ALDH2: variants seen among roughly 807,000 people sequenced by gnomAD.
ALDH2 encodes aldehyde dehydrogenase 2 family member.
In ALDH2, 44 loss-of-function variants were observed where a neutral mutation model predicts 59.6. That is an observed-to-expected ratio of 0.74 (90% CI 0.58 to 0.95). The LOEUF (loss-of-function observed/expected upper bound fraction) is 0.95, where lower values mean the gene tolerates loss of function less well. Ranked by LOEUF, ALDH2 falls within the 40% of genes least tolerant of loss-of-function variation. The pLI, the probability that ALDH2 is intolerant of heterozygous loss-of-function variation, is 0.00. For synonymous variants in ALDH2, 291 were observed against 284.0 expected (o/e 1.02, Z -0.25); for missense variants, 570 against 696.3 (o/e 0.82, Z 2.04).
At position 111,816,138 on chromosome 12, in the gene ALDH2, C is replaced by T. The variant is rs528468966; in HGVS notation, c.*6563C>T. 1 of 152,232 alleles carries T rather than the reference C, an allele frequency of 6.6e-6. No individual in the cohort carries two copies. The highest frequency in any genetic ancestry group is 3.4e-3 in the Middle Eastern group (1 of 294). 9.4% of individuals were successfully genotyped at this position (152,232 alleles called of 1,614,324 possible). A position where few individuals can be genotyped will look rare whatever the true frequency, so the allele number is the denominator to read the frequency against. ...CCTCCCCCATGGTAATGAGTTCACT[C>T]AAGAGCTGGTTGTTTAAAAGGTGAC... On this transcript the variant is annotated 3_prime_UTR_variant, in exon 13 of 13. Coordinates refer to ENST00000261733, the MANE Select transcript of ALDH2 (RefSeq NM_000690.4).
At chr12:111,790,294 C>G in intron 5 of ALDH2, 140 bp from the exon 6 acceptor site, 2 of 1,077,026 alleles carry the variant, frequency 1.9e-6, no homozygotes, top group Middle Eastern at 5.8e-4. Flanking sequence ...CTTAAAACCA[C>G]GATGGATGGA....
At chr12:111,767,996 G>T (rs2068172064) in intron 1 of ALDH2, among the ~76,000 whole-genome samples, 1 of 152,188 alleles carries the variant, frequency 6.6e-6, no homozygotes, top group Non-Finnish European at 1.5e-5. Flanking sequence ...TGTCCTGTCT[G>T]CACAGCCTTT....
At chr12:111,802,698 GT>G (rs2068462836) in intron 11 of ALDH2, among the ~76,000 whole-genome samples, 1 of 150,790 alleles carries the variant, frequency 6.6e-6, no homozygotes, top group Non-Finnish European at 1.5e-5. Flanking sequence ...GGCTAACACA[GT>G]GAAACCCCGT....
intron 2 of ALDH2, among the ~76,000 whole-genome samples, chr12:111,782,379 G>C (rs2068278666): frequency 1.3e-5 from 2 of 152,222 alleles, no homozygotes; most frequent in South Asian, 4.1e-4. Context: ...AATCGAAACT[G>C]ATAATATTCT....
intron 3 of ALDH2, 46 bp downstream of exon 3, chr12:111,783,344 G>C (rs1057463609): frequency 1.1e-5 from 17 of 1,561,316 alleles, no homozygotes; most frequent in Middle Eastern, 2.2e-4. Context: ...GTGGTGAATA[G>C]GCTCGCAGCA....
chr12:111,789,282 G>T (rs1458661488), intron 4 of ALDH2, among the ~76,000 whole-genome samples: 1 of 151,634 alleles, frequency 6.6e-6, no homozygotes, highest in Non-Finnish European at 1.5e-5. Flanking sequence ...CTCCCAAAGT[G>T]CTGGGATTAC....
In ALDH2 at chr12:111,790,549, A is replaced by G; in HGVS notation, c.668A>G (p.Asn223Ser). ...CCCCTCACCGCCCTCTATGTGGCCA[A>G]CCTGATCAAGGAGGTGCGTGGCTTA... The part of the protein sequence containing the change: ...QTPLTALYVA[N>S]LIKEAGFPPG... The change falls in exon 6 of 13, where the codon AAC becomes AGC. Residue 223 changes from asparagine (N) to serine (S), a missense_variant. Transcript: ENST00000261733. The G allele has an allele frequency of 6.2e-7, 1 of 1,614,080 alleles. No homozygotes were observed. Among genetic ancestry groups the G allele is most frequent in the South Asian group, 1.1e-5 (1 of 91,074 alleles).
chr12:111,799,970 A>G lies in ALDH2; in HGVS notation c.1313A>G (p.Asn438Ser), dbSNP rs2068437005. Residue 438 changes from asparagine (N) to serine (S), a missense_variant, in exon 11 of 13, where the codon AAC becomes AGC. Physicochemically the swap from Asn to Ser is conservative, Grantham distance 46. Transcript: ENST00000261733. ...ATAGAGGAGGTTGTTGGGAGAGCCA[A>G]CAATTCCACGTACGGGCTGGCCGCA... ...KTIEEVVGRANNSTYGLAAAV... is the reference protein window; with the variant it reads ...KTIEEVVGRASNSTYGLAAAV... 3.1e-6 allele frequency: 5 copies of G among 1,613,950 alleles called. No individual in the cohort carries two copies. Among genetic ancestry groups the G allele is most frequent in the Non-Finnish European group, 4.2e-6 (5 of 1,180,030 alleles).
At chr12:111,781,135 A>C (rs906176564) in intron 1 of ALDH2, among the ~76,000 whole-genome samples, 1 of 152,176 alleles carries the variant, frequency 6.6e-6, no homozygotes, top group Non-Finnish European at 1.5e-5. Flanking sequence ...AATAAAAAGA[A>C]TAATCTAATT....
At chr12:111,777,480 C>T (rs1487288287) in intron 1 of ALDH2, among the ~76,000 whole-genome samples, 1 of 152,140 alleles carries the variant, frequency 6.6e-6, no homozygotes, top group Non-Finnish European at 1.5e-5. Context: ...CTCTCCTAAC[C>T]CTGCTGACCC....
intron 1 of ALDH2, among the ~76,000 whole-genome samples, chr12:111,768,317 C>G (rs2136004773): frequency 6.6e-6 from 1 of 152,314 alleles, no homozygotes; most frequent in East Asian, 1.9e-4. Context: ...CAGCTGCTTT[C>G]AACAGCACAC....
rs557857182 is a variant in ALDH2 at position 111,789,406 on chromosome 12, C to T, written c.441-417C>T. Among the ~76,000 whole-genome samples, 125 of 150,610 alleles carry T rather than the reference C, an allele frequency of 8.3e-4. 1 individual carries two copies. The South Asian group carries it at 0.012, about 14-fold the overall frequency. On this transcript the variant is annotated intron_variant, in intron 4 of 12. Coordinates refer to ENST00000261733, the MANE Select transcript of ALDH2 (RefSeq NM_000690.4). ...TACTTGGGAGGCTGAGGTAGAGAAT[C>T]GCTTGAACCTGGGGGGCCGAGGTTG...
chr12:111,797,960 CT>C, intron 9 of ALDH2, 117 bp from the exon 10 acceptor site: 8 of 1,245,388 alleles, frequency 6.4e-6, no homozygotes, highest in Non-Finnish European at 9.1e-6. Flanking sequence ...TCTGATCTTG[CT>C]TTCTTATGAC....
intron 1 of ALDH2, among the ~76,000 whole-genome samples, chr12:111,779,404 G>A (rs11609628): frequency 0.18 from 26,685 of 151,814 alleles, 2,401 homozygotes; most frequent in Middle Eastern, 0.27. Context: ...TACTCAGGTT[G>A]GTCTCAAATT....
rs1453018126 is a variant in ALDH2 at position 111,783,218 on chromosome 12, C to A, written c.280C>A (p.Arg94Ser). 8.1e-6 allele frequency: 13 copies of A among 1,613,280 alleles called. No homozygotes were observed. The highest frequency in any genetic ancestry group is 1.0e-5 in the Non-Finnish European group (12 of 1,179,676). The change falls in exon 3 of 13, where the codon CGC becomes AGC. Residue 94 changes from arginine (R) to serine (S), a missense_variant. Physicochemically the swap from Arg to Ser is moderately radical, Grantham distance 110 (BLOSUM62 -1). Transcript: ENST00000261733. The part of the protein sequence containing the change: ...RAAFQLGSPW[R>S]RMDASHRGRL... ...CGCCTTCCAGCTGGGCTCACCTTGG[C>A]GCCGCATGGACGCATCACACAGGGG... is the stretch of plus-strand genomic sequence containing the variant.
At chr12:111,796,021 G>A (rs2068400270) in intron 9 of ALDH2, among the ~76,000 whole-genome samples, 1 of 152,036 alleles carries the variant, frequency 6.6e-6, no homozygotes, top group Non-Finnish European at 1.5e-5. Context: ...AACACTTTGG[G>A]AGGCTGAGGC....
chr12:111,802,136 G>A (rs1295004371), intron 11 of ALDH2, among the ~76,000 whole-genome samples: 1 of 152,048 alleles, frequency 6.6e-6, no homozygotes, highest in Non-Finnish European at 1.5e-5. Flanking sequence ...ACACCTGTAA[G>A]GCCGTGGTGG....
At chr12:111,801,784 T>C (rs529168998) in intron 11 of ALDH2, among the ~76,000 whole-genome samples, 67 of 151,444 alleles carry the variant, frequency 4.4e-4, no homozygotes, top group Non-Finnish European at 8.4e-4. Flanking sequence ...GGCGAATCCA[T>C]AGAGATAGAA....
Position 111,809,615 on chromosome 12 carries a change from T to A in ALDH2, c.*40T>A. 6.2e-7 allele frequency: 1 copy of A among 1,610,726 alleles called. No individual in the cohort carries two copies. Among genetic ancestry groups the A allele is most frequent in the Non-Finnish European group, 8.5e-7 (1 of 1,177,290 alleles). On this transcript the variant is annotated 3_prime_UTR_variant, in exon 13 of 13. Coordinates refer to ENST00000261733, the MANE Select transcript of ALDH2 (RefSeq NM_000690.4). ...TCCTCCCTCAGCCATTGATGGAAAG[T>A]TCAGCAAGATCAGCAACAAAACCAA...
Sources: gnomAD v4.1 joint callset for allele counts (sites outside exome capture counted in the v4.1 genomes callset) on GRCh38, gnomAD v4.1.1 for gene constraint, MANE v1.5 for transcripts, NCBI Gene and HGNC (gene_info 2026-07-23, HGNC 2026-07-21) for gene names.